FRMPD4: variants seen among roughly 807,000 people sequenced by gnomAD.
The protein encoded by FRMPD4 is FERM and PDZ domain-containing protein 4.
A neutral mutation model predicts 94.1 loss-of-function variants in FRMPD4; 22 were observed. The observed-to-expected ratio is 0.23, with a 90% CI of 0.17 to 0.33. The LOEUF (loss-of-function observed/expected upper bound fraction) is 0.33, where lower values mean the gene tolerates loss of function less well. Ranked by LOEUF, FRMPD4 falls within the 10% of genes least tolerant of loss-of-function variation. FRMPD4 has a pLI of 1.00. For missense variants in FRMPD4, 1,111 were observed against 1,339.9 expected (o/e 0.83, Z 2.67); for synonymous variants, 631 against 548.6 (o/e 1.15, Z -2.10).
At chrX:12,130,026 A>C (rs2055535030) in intron 3 of FRMPD4, among the ~76,000 whole-genome samples, 1 of 110,323 alleles carries the variant, frequency 9.1e-6, no homozygotes, top group South Asian at 3.9e-4. Context: ...CCTCTGCATC[A>C]ATTAGGCATG....
chrX:12,718,589 G>T lies in FRMPD4; in HGVS notation c.3763G>T (p.Gly1255Cys), dbSNP rs780574392. The T allele has an allele frequency of 8.3e-7, 1 of 1,210,649 alleles. No individual in the cohort carries two copies. The highest frequency in any genetic ancestry group is 1.1e-6 in the Non-Finnish European group (1 of 894,431). The change falls in exon 16 of 17, where the codon GGC (glycine) becomes TGC (cysteine). Residue 1255 changes from glycine to cysteine, a missense_variant. Coordinates refer to ENST00000675598, the MANE Select transcript of FRMPD4 (RefSeq NM_001368397.1). Reference protein sequence around the residue: ...KHLIPDASGKGVNYIPSEERA... With the variant: ...KHLIPDASGKCVNYIPSEERA... Reference sequence around the variant, plus strand: ...CTTGATTCCTGACGCTTCTGGGAAAGGCGTGAATTACATTCCTTCAGAGGA... The same window carrying T: ...CTTGATTCCTGACGCTTCTGGGAAATGCGTGAATTACATTCCTTCAGAGGA...
chrX:12,654,637 G>C (rs924140044), intron 4 of FRMPD4, among the ~76,000 whole-genome samples: 1 of 111,558 alleles, frequency 9.0e-6, no homozygotes, highest in Non-Finnish European at 1.9e-5. Context: ...AATAGCTGTA[G>C]GGCTTTAGAC....
intron 1 of FRMPD4, among the ~76,000 whole-genome samples, chrX:12,332,217 G>T (rs999597094): frequency 0.031 from 1,804 of 58,402 alleles, 58 homozygotes; most frequent in African/African-American, 0.05. Context: ...TAGAGAGAGA[G>T]AGAGAGAGAG....
At chrX:12,680,643 C>T (rs369988311) in intron 5 of FRMPD4, among the ~76,000 whole-genome samples, 2 of 112,004 alleles carry the variant, frequency 1.8e-5, no homozygotes, top group Non-Finnish European at 3.8e-5. Context: ...AAGTTTACCC[C>T]GAGTCTGTTG....
At chrX:12,319,256 G>T (rs977802033) in intron 1 of FRMPD4, among the ~76,000 whole-genome samples, 1 of 112,182 alleles carries the variant, frequency 8.9e-6, no homozygotes, top group Non-Finnish European at 1.9e-5. Flanking sequence ...TGCCACCGTG[G>T]AAAAGAGTTG....
In FRMPD4 at chrX:11,882,453, TGAGCATCCCTAATTC is replaced by T. The variant is rs754283644; in HGVS notation, c.95+4438_95+4452del. Reference sequence around the variant, plus strand: ...GAGCATTTTGTTTTATGACATAGTTTGAGCATCCCTAATTCGAAAATCCAAAATTTGAAACTTTTT... The same window carrying T: ...GAGCATTTTGTTTTATGACATAGTTTGAAAATCCAAAATTTGAAACTTTTT... On this transcript the variant is annotated intron_variant, in intron 3 of 18. Coordinates refer to the FRMPD4 transcript ENST00000640291. Among the ~76,000 whole-genome samples, 4 of 111,466 alleles carry T rather than the reference TGAGCATCCCTAATTC, an allele frequency of 3.6e-5. No individual in the cohort carries two copies. In the Admixed American group the frequency reaches 3.8e-4, roughly 11 times the overall value.
intron 4 of FRMPD4, among the ~76,000 whole-genome samples, chrX:12,656,247 C>A (rs190678660): frequency 8.9e-5 from 10 of 112,075 alleles, no homozygotes; most frequent in Middle Eastern, 4.6e-3. Context: ...GTTAGAGATG[C>A]ACATGTAATA....
intron 2 of FRMPD4, among the ~76,000 whole-genome samples, chrX:12,597,467 T>G (rs776726205): frequency 1.8e-5 from 2 of 112,333 alleles, no homozygotes; most frequent in East Asian, 5.6e-4. Context: ...TGGATGTTAA[T>G]TTGTACAAGC....
intron 3 of FRMPD4, among the ~76,000 whole-genome samples, chrX:11,917,514 G>C (rs1169769842): frequency 5.4e-5 from 6 of 111,968 alleles, no homozygotes; most frequent in Non-Finnish European, 1.9e-5. Flanking sequence ...TGGTGGACTG[G>C]ACAAAGAAAA....
intron 1 of FRMPD4, among the ~76,000 whole-genome samples, chrX:12,342,424 C>T (rs2055629033): frequency 9.0e-6 from 1 of 111,379 alleles, no homozygotes; most frequent in Non-Finnish European, 1.9e-5. Context: ...AGTGACTTTC[C>T]CAGGGTAACA....
intron 1 of FRMPD4, among the ~76,000 whole-genome samples, chrX:12,330,333 A>G (rs1386746415): frequency 9.0e-6 from 1 of 110,947 alleles, no homozygotes; most frequent in Non-Finnish European, 1.9e-5. Context: ...GCACCCTTTT[A>G]TAGTTAGTTC....
At chrX:12,197,815 A>C (rs905056595) in intron 1 of FRMPD4, among the ~76,000 whole-genome samples, 15 of 112,278 alleles carry the variant, frequency 1.3e-4, no homozygotes, top group Non-Finnish European at 7.5e-5. Context: ...AATGCCCTTC[A>C]ACATTTAAAT....
At chrX:12,391,527 C>T (rs1354302569) in intron 1 of FRMPD4, among the ~76,000 whole-genome samples, 1 of 111,649 alleles carries the variant, frequency 9.0e-6, no homozygotes, top group Non-Finnish European at 1.9e-5. Context: ...ATTTGAGAGG[C>T]AGGAGAGCCT....
At chrX:12,614,437 G>T (rs750314272) in intron 3 of FRMPD4, among the ~76,000 whole-genome samples, 1 of 110,467 alleles carries the variant, frequency 9.1e-6, no homozygotes, top group Non-Finnish European at 1.9e-5. Flanking sequence ...CAGCACCTGG[G>T]AGCTTGTGAG....
At chrX:11,922,994 A>G (rs1457827662) in intron 3 of FRMPD4, among the ~76,000 whole-genome samples, 2 of 112,618 alleles carry the variant, frequency 1.8e-5, no homozygotes, top group Non-Finnish European at 1.9e-5. Context: ...GACCCACACC[A>G]TAACTTCTGC....
intron 2 of FRMPD4, among the ~76,000 whole-genome samples, chrX:12,557,944 G>C (rs1434066238): frequency 8.9e-6 from 1 of 112,236 alleles, no homozygotes; most frequent in Non-Finnish European, 1.9e-5. Context: ...AGCATCTTCT[G>C]AGTTAGGCAT....
At chrX:12,558,591 A>T (rs969613594) in intron 2 of FRMPD4, among the ~76,000 whole-genome samples, 2 of 112,471 alleles carry the variant, frequency 1.8e-5, no homozygotes, top group African/African-American at 6.5e-5. Context: ...AGCATCATAG[A>T]TGTTGACTCT....
intron 3 of FRMPD4, among the ~76,000 whole-genome samples, chrX:11,949,470 T>G (rs1366169119): frequency 8.9e-6 from 1 of 112,045 alleles, no homozygotes; most frequent in East Asian, 2.8e-4. Context: ...ACAGCTAATC[T>G]TAAGTTGGAG....
intron 2 of FRMPD4, among the ~76,000 whole-genome samples, chrX:12,510,900 GC>G (rs1169651975): frequency 1.8e-5 from 2 of 111,624 alleles, no homozygotes; most frequent in African/African-American, 6.5e-5. Context: ...AGCACTGGTG[GC>G]CTTCTTTGGA....
Sources: allele counts gnomAD v4.1 joint callset (sites outside exome capture counted in the v4.1 genomes callset), GRCh38; gene constraint gnomAD v4.1.1; transcripts MANE v1.5; gene names NCBI Gene and HGNC (gene_info 2026-07-23, HGNC 2026-07-21).